PCDH15: variants seen among roughly 807,000 people sequenced by gnomAD.
PCDH15 encodes the protein protocadherin related 15, also known as protocadherin-15.
In PCDH15, 129 loss-of-function variants were observed where a neutral mutation model predicts 178.5. The observed-to-expected ratio is 0.72, with a 90% CI of 0.63 to 0.84. The LOEUF is 0.84. PCDH15 is among the 40% of genes least tolerant of loss of function. The pLI is 0.00. For missense variants in PCDH15, 2,230 were observed against 2,099.9 expected, an observed-to-expected ratio of 1.06 and a Z score of -1.21; for synonymous variants, 800 against 732.0, an observed-to-expected ratio of 1.09 and a Z score of -1.50.
At chr10:55,170,529 A>G (rs1050503230) in intron 1 of PCDH15, among the ~76,000 whole-genome samples, 5 of 152,120 alleles carry the variant, frequency 3.3e-5, no homozygotes, top group African/African-American at 1.2e-4. Context: ...AAAATGTGCT[A>G]AGAAATTTTT....
At chr10:54,244,724 G>T (rs2055751791) in intron 8 of PCDH15, among the ~76,000 whole-genome samples, 1 of 152,042 alleles carries the variant, frequency 6.6e-6, no homozygotes, top group Non-Finnish European at 1.5e-5. Context: ...CTGCCACAGG[G>T]CTAACTCAAA....
chr10:53,822,846 G>A lies in PCDH15; in HGVS notation c.4368-2616C>T, dbSNP rs763133029. On this transcript the variant is annotated intron_variant, in intron 32 of 37. Transcript: ENST00000644397. ...CTCTGTCAAATTTGCCTCTTCAGTT[G>A]TAAGCAATGGATTGCTGCTACCTCT... is the stretch of plus-strand genomic sequence containing the variant. The A allele has an allele frequency of 4.3e-6, 7 of 1,613,926 alleles. No homozygotes were observed. The Admixed American group carries it at 1.0e-4, about 23-fold the overall frequency.
At chr10:54,050,894 T>A (rs1467900209) in intron 18 of PCDH15, among the ~76,000 whole-genome samples, 1 of 152,128 alleles carries the variant, frequency 6.6e-6, no homozygotes. Context: ...AATTGAATCA[T>A]GGGAGCAGTT....
chr10:55,544,139 C>CATATATATAT (rs1176456895), intron 2 of PCDH15, among the ~76,000 whole-genome samples: 2,073 of 53,592 alleles, frequency 0.039, 58 homozygotes, highest in Middle Eastern at 0.059. Context: ...CTTATACATA[C>CATATATATAT]ATATATATAT....
At chr10:55,362,454 T>C (rs1450609871) in intron 2 of PCDH15, among the ~76,000 whole-genome samples, 2 of 152,234 alleles carry the variant, frequency 1.3e-5, no homozygotes, top group Middle Eastern at 6.8e-3. Flanking sequence ...TAAAGAGAAC[T>C]AATCAGCTCC....
intron 32 of PCDH15, chr10:53,821,262 A>C: frequency 1.0e-6 from 1 of 985,304 alleles, no homozygotes; most frequent in Non-Finnish European, 1.2e-6. Context: ...GTCAGAGTAA[A>C]AGATGTTCTT....
chr10:54,158,625 T>C (rs575063810), intron 13 of PCDH15, among the ~76,000 whole-genome samples: 2 of 152,118 alleles, frequency 1.3e-5, no homozygotes, highest in Non-Finnish European at 2.9e-5. Flanking sequence ...ATAAAAAAAA[T>C]ACAGCTTGAT....
intron 2 of PCDH15, among the ~76,000 whole-genome samples, chr10:55,412,531 G>T (rs1838364370): frequency 1.3e-5 from 2 of 151,848 alleles, no homozygotes; most frequent in South Asian, 4.1e-4. Context: ...TTCAAATTAT[G>T]AATGGCACAA....
chr10:54,312,615 G>C (rs543567626), intron 8 of PCDH15, among the ~76,000 whole-genome samples: 3 of 152,160 alleles, frequency 2.0e-5, no homozygotes, highest in African/African-American at 7.2e-5. Context: ...CCTATAAGAG[G>C]CTTCAGTGGG....
At position 55,280,797 on chromosome 10, in the gene PCDH15, T is replaced by C. The variant is rs577511399; in HGVS notation, c.-156+38802A>G. ...AAATTCACATTTATAAATTGTCCTT[T>C]TCATGACCACCTCAATGTTCTGCTT... On this transcript the variant is annotated intron_variant, in intron 1 of 5. Coordinates refer to the PCDH15 transcript ENST00000458638. Among the ~76,000 whole-genome samples the C allele has an allele frequency of 1.1e-3, 164 of 152,308 alleles. 3 individuals carry two copies. The highest frequency in any genetic ancestry group is 0.011 in the Admixed American group (164 of 15,284).
chr10:55,397,187 T>G (rs961213845), intron 2 of PCDH15, among the ~76,000 whole-genome samples: 3 of 152,200 alleles, frequency 2.0e-5, no homozygotes, highest in Non-Finnish European at 4.4e-5. Context: ...ACATATCTCC[T>G]TGGTTAGTAT....
At chr10:54,498,546 T>C (rs1054617757) in intron 3 of PCDH15, among the ~76,000 whole-genome samples, 2 of 151,918 alleles carry the variant, frequency 1.3e-5, no homozygotes, top group Non-Finnish European at 2.9e-5. Context: ...AACAGAACCA[T>C]CTAACATGCA....
At chr10:54,744,033 G>A (rs1310184814) in intron 1 of PCDH15, among the ~76,000 whole-genome samples, 2 of 152,046 alleles carry the variant, frequency 1.3e-5, no homozygotes, top group Non-Finnish European at 2.9e-5. Flanking sequence ...AAAAGCCTTT[G>A]ACTTTTCTCT....
In PCDH15 at chr10:53,989,455, C is replaced by T. The variant is rs560482629; in HGVS notation, c.2868+6194G>A. Among the ~76,000 whole-genome samples the T allele has an allele frequency of 2.5e-3, 378 of 152,176 alleles. 1 individual carries two copies. Among genetic ancestry groups the T allele is most frequent in the Non-Finnish European group, 3.3e-3 (223 of 68,014 alleles). On this transcript the variant is annotated intron_variant, in intron 21 of 37. Coordinates refer to ENST00000644397, the MANE Select transcript of PCDH15 (RefSeq NM_001384140.1). ...AATAATATAATCATTTTTCACTAAGCCTTCCCTTTTATACCCGTTTACACT... is the reference window on the plus strand; with the variant it reads ...AATAATATAATCATTTTTCACTAAGTCTTCCCTTTTATACCCGTTTACACT...
chr10:53,912,136 T>C (rs745658099), intron 25 of PCDH15, among the ~76,000 whole-genome samples: 3 of 152,138 alleles, frequency 2.0e-5, no homozygotes, highest in Non-Finnish European at 1.5e-5. Context: ...CCAAGGCTGG[T>C]TCAACATACA....
intron 3 of PCDH15, among the ~76,000 whole-genome samples, chr10:54,444,333 T>C (rs2076017286): frequency 6.6e-6 from 1 of 151,730 alleles, no homozygotes; most frequent in African/African-American, 2.4e-5. Context: ...ATAGTGTGCA[T>C]GGCACATGCA....
intron 2 of PCDH15, among the ~76,000 whole-genome samples, chr10:55,593,623 AT>A (rs1363825675): frequency 3.3e-5 from 5 of 151,878 alleles, no homozygotes; most frequent in Non-Finnish European, 5.9e-5. Flanking sequence ...ATTAAGATTA[AT>A]TACTGTTTTA....
At chr10:54,870,715 G>A (rs1295545389) in intron 3 of PCDH15, among the ~76,000 whole-genome samples, 3 of 152,088 alleles carry the variant, frequency 2.0e-5, no homozygotes, top group South Asian at 4.1e-4. Flanking sequence ...GAACCCGGGA[G>A]GCGGAGCTTG....
chr10:54,748,062 C>A (rs1421534044), intron 1 of PCDH15, among the ~76,000 whole-genome samples: 1 of 152,090 alleles, frequency 6.6e-6, no homozygotes, highest in Non-Finnish European at 1.5e-5. Flanking sequence ...GCCCCCGCCT[C>A]CCAAAGTGCT....
Sources: allele counts gnomAD v4.1 joint callset (sites outside exome capture counted in the v4.1 genomes callset), GRCh38; gene constraint gnomAD v4.1.1; transcripts MANE v1.5; gene names NCBI Gene and HGNC (gene_info 2026-07-23, HGNC 2026-07-21).